Variants in AGMO observed in about 807,000 individuals in gnomAD.
AGMO encodes alkylglycerol monooxygenase.
A neutral mutation model predicts 60.2 loss-of-function variants in AGMO; 75 were observed. That is an observed-to-expected ratio of 1.25 (90% CI 1.03 to 1.51). The LOEUF is 1.51. Ranked by LOEUF, AGMO falls within the 40% of genes most tolerant of loss-of-function variation. AGMO has a pLI of 0.00. For synonymous variants in AGMO, 261 were observed against 177.1 expected (o/e 1.47, Z -3.76); for missense variants, 763 against 525.5 (o/e 1.45, Z -4.42).
the AGMO span, among the ~76,000 whole-genome samples, chr7:15,175,259 T>C: frequency 2.2e-4 from 33 of 152,034 alleles, no homozygotes; most frequent in African/African-American, 7.0e-4. Flanking sequence ...TAGATGTCAG[T>C]ATCAAAAAAG....
chr7:15,561,946 C>G lies in AGMO; in HGVS notation c.-101G>C, dbSNP rs1583694944. 1.5e-6 allele frequency: 2 copies of G among 1,291,308 alleles called. No individual in the cohort carries two copies. The highest frequency in any genetic ancestry group is 2.5e-5 in the East Asian group (1 of 40,058). The allele number at this position is 1,291,308 out of a possible 1,614,324, so 80.0% of individuals were successfully genotyped here. A position where few individuals can be genotyped will look rare whatever the true frequency, so the allele number is the denominator to read the frequency against. Reference sequence around the variant, plus strand: ...CGAGATGTGCAGCTCAGAACAAGCTCTTTGTCAGAGAACAGCTAAAACCAA... The same window carrying G: ...CGAGATGTGCAGCTCAGAACAAGCTGTTTGTCAGAGAACAGCTAAAACCAA... On this transcript the variant is annotated 5_prime_UTR_variant, in exon 1 of 13. Coordinates refer to ENST00000342526, the MANE Select transcript of AGMO (RefSeq NM_001004320.2).
chr7:15,530,450 C>T (rs1229141300), intron 3 of AGMO, among the ~76,000 whole-genome samples: 2 of 97,714 alleles, frequency 2.0e-5, no homozygotes, highest in Admixed American at 1.2e-4. Flanking sequence ...ATTCTATATA[C>T]GTATTTCTAT....
In AGMO at chr7:15,383,140, C is replaced by T. The variant is rs188119065; in HGVS notation, c.1074+2306G>A. ...TCAGTGATGTACAGATAAACTAAGCCACAACATCAGGCTCAATTTGGGTAT... is the reference window on the plus strand; with the variant it reads ...TCAGTGATGTACAGATAAACTAAGCTACAACATCAGGCTCAATTTGGGTAT... On this transcript the variant is annotated intron_variant, in intron 10 of 12. Coordinates refer to ENST00000342526, the MANE Select transcript of AGMO (RefSeq NM_001004320.2). Among the ~76,000 whole-genome samples the T allele has an allele frequency of 2.0e-3, 311 of 152,066 alleles. 1 individual carries two copies. The highest frequency in any genetic ancestry group is 6.9e-3 in the African/African-American group (285 of 41,474).
chr7:15,290,682 G>T (rs2128521905), intron 12 of AGMO, among the ~76,000 whole-genome samples: 1 of 152,242 alleles, frequency 6.6e-6, no homozygotes, highest in South Asian at 2.1e-4. Context: ...CTTATAGATA[G>T]TGTTTAGATT....
chr7:15,391,783 C>A (rs1158269017), intron 6 of AGMO, among the ~76,000 whole-genome samples: 1 of 152,082 alleles, frequency 6.6e-6, no homozygotes, highest in African/African-American at 2.4e-5. Context: ...GCATTTTGCC[C>A]CTTAAGGAAC....
intron 12 of AGMO, among the ~76,000 whole-genome samples, chr7:15,236,470 A>G (rs1782422385): frequency 6.6e-6 from 1 of 152,146 alleles, no homozygotes; most frequent in Non-Finnish European, 1.5e-5. Context: ...AAAGGAAGAT[A>G]AAGAACTCTG....
intron 12 of AGMO, among the ~76,000 whole-genome samples, chr7:15,207,008 A>T (rs1183875177): frequency 6.6e-6 from 1 of 152,150 alleles, no homozygotes; most frequent in Non-Finnish European, 1.5e-5. Context: ...ACAATTATTT[A>T]CTCACTTCTA....
chr7:15,189,117 T>A, the AGMO span, among the ~76,000 whole-genome samples: 1 of 152,176 alleles, frequency 6.6e-6, no homozygotes, highest in South Asian at 2.1e-4. Flanking sequence ...TTATGTGGTA[T>A]TAAATTCCTC....
chr7:15,146,134 T>G, the AGMO span, among the ~76,000 whole-genome samples: 1 of 152,172 alleles, frequency 6.6e-6, no homozygotes. Context: ...CAGTTAATAA[T>G]AACCACATGG....
chr7:15,316,014 G>A (rs954034330), intron 12 of AGMO, among the ~76,000 whole-genome samples: 1 of 151,916 alleles, frequency 6.6e-6, no homozygotes, highest in African/African-American at 2.4e-5. Flanking sequence ...ATTATTAGAG[G>A]TAATATTATC....
chr7:15,551,671 A>G (rs992633613), intron 2 of AGMO, among the ~76,000 whole-genome samples: 3 of 151,162 alleles, frequency 2.0e-5, no homozygotes, highest in African/African-American at 4.8e-5. Flanking sequence ...ATAAAAGAGG[A>G]TATAAACAAA....
At chr7:15,165,162 C>T in the AGMO span, among the ~76,000 whole-genome samples, 8 of 151,908 alleles carry the variant, frequency 5.3e-5, no homozygotes, top group East Asian at 1.9e-4. Context: ...TTCTCACTTA[C>T]GGGGGGAGCT....
intron 12 of AGMO, among the ~76,000 whole-genome samples, chr7:15,336,928 T>G (rs1324045429): frequency 6.6e-6 from 1 of 152,216 alleles, no homozygotes; most frequent in East Asian, 1.9e-4. Flanking sequence ...ACCTGGTCCT[T>G]TTAAAGTTCA....
chr7:15,126,730 TG>T, the AGMO span, among the ~76,000 whole-genome samples: 1 of 152,130 alleles, frequency 6.6e-6, no homozygotes, highest in African/African-American at 2.4e-5. Flanking sequence ...TGACATATCT[TG>T]AAATAACCCT....
At chr7:15,478,466 G>A (rs1305751658) in intron 3 of AGMO, among the ~76,000 whole-genome samples, 4 of 152,166 alleles carry the variant, frequency 2.6e-5, no homozygotes, top group Non-Finnish European at 5.9e-5. Context: ...GGGTCAGACT[G>A]TAAAGTGATC....
intron 12 of AGMO, among the ~76,000 whole-genome samples, chr7:15,207,404 A>C (rs1357445448): frequency 6.6e-6 from 1 of 152,222 alleles, no homozygotes; most frequent in Non-Finnish European, 1.5e-5. Context: ...CCTTGTTCTA[A>C]GAGAATGACA....
At chr7:15,201,737 A>C (rs370920740) in intron 12 of AGMO, among the ~76,000 whole-genome samples, 1 of 152,272 alleles carries the variant, frequency 6.6e-6, no homozygotes, top group South Asian at 2.1e-4. Context: ...AAACCTTTGG[A>C]ATAGGAGAAG....
intron 12 of AGMO, among the ~76,000 whole-genome samples, chr7:15,292,254 C>G (rs1784285484): frequency 6.6e-6 from 1 of 152,082 alleles, no homozygotes; most frequent in Non-Finnish European, 1.5e-5. Flanking sequence ...TATAATGGCC[C>G]AACAGTACTT....
chr7:15,408,657 A>T (rs769835539), intron 5 of AGMO, among the ~76,000 whole-genome samples: 1 of 151,908 alleles, frequency 6.6e-6, no homozygotes, highest in Non-Finnish European at 1.5e-5. Context: ...AATCAATGAT[A>T]TAGGATTTCA....
Sources: gnomAD v4.1 joint callset for allele counts (sites outside exome capture counted in the v4.1 genomes callset) on GRCh38, gnomAD v4.1.1 for gene constraint, MANE v1.5 for transcripts, NCBI Gene and HGNC (gene_info 2026-07-23, HGNC 2026-07-21) for gene names.